PRKG1: variants seen among roughly 807,000 people sequenced by gnomAD.
The protein encoded by PRKG1 is cGMP-dependent protein kinase 1.
PRKG1 carries 35 observed loss-of-function variants against 88.1 expected under a neutral mutation model. That is an observed-to-expected ratio of 0.40 (90% CI 0.30 to 0.53). The LOEUF (loss-of-function observed/expected upper bound fraction) is 0.53. Among genes scored for constraint, PRKG1 ranks in the 20% least tolerant of loss-of-function variants. The probability of loss-of-function intolerance (pLI) is 0.59; values close to 1 mark genes in which losing one functional copy is unlikely to be tolerated. For synonymous variants in PRKG1, 303 were observed against 292.5 expected, an observed-to-expected ratio of 1.04 and a Z score of -0.37; for missense variants, 540 against 839.8, an observed-to-expected ratio of 0.64 and a Z score of 4.41.
At chr10:51,152,584 A>T (rs1846101302) in intron 1 of PRKG1, among the ~76,000 whole-genome samples, 1 of 152,050 alleles carries the variant, frequency 6.6e-6, no homozygotes, top group Admixed American at 6.6e-5. Flanking sequence ...CTATTTATAG[A>T]TGACTGGCAT....
At chr10:52,292,205 T>C (rs1842266399) in intron 17 of PRKG1, among the ~76,000 whole-genome samples, 1 of 151,136 alleles carries the variant, frequency 6.6e-6, no homozygotes, top group African/African-American at 2.4e-5. Context: ...TCTCCCATTT[T>C]GTAGGTTGCC....
chr10:51,270,275 A>C (rs1839944607), intron 2 of PRKG1, among the ~76,000 whole-genome samples: 1 of 152,184 alleles, frequency 6.6e-6, no homozygotes, highest in Non-Finnish European at 1.5e-5. Flanking sequence ...TTGATTTGTT[A>C]GCCTATTTAA....
intron 5 of PRKG1, chr10:51,908,054 AAG>A (rs1210521263): frequency 2.0e-5 from 3 of 152,664 alleles, no homozygotes. Context: ...GGTTTTGAGA[AAG>A]AGGAGAAACA....
intron 7 of PRKG1, among the ~76,000 whole-genome samples, chr10:52,128,969 T>G (rs1026383197): frequency 6.6e-6 from 1 of 152,334 alleles, no homozygotes; most frequent in East Asian, 1.9e-4. Flanking sequence ...AGTTTTTAAT[T>G]AAATAAATTG....
chr10:51,499,069 A>G (rs1051442007), intron 3 of PRKG1, among the ~76,000 whole-genome samples: 3 of 152,204 alleles, frequency 2.0e-5, no homozygotes, highest in African/African-American at 7.2e-5. Context: ...TAATATTGAA[A>G]CAACAGTTTT....
At chr10:51,960,006 A>G (rs1449128596) in intron 5 of PRKG1, among the ~76,000 whole-genome samples, 1 of 152,136 alleles carries the variant, frequency 6.6e-6, no homozygotes, top group Non-Finnish European at 1.5e-5. Context: ...GATTTTATAT[A>G]TTCTCCTAGT....
At chr10:51,528,214 T>C (rs1331128647) in intron 3 of PRKG1, among the ~76,000 whole-genome samples, 1 of 152,218 alleles carries the variant, frequency 6.6e-6, no homozygotes. Context: ...TCTCATTGTG[T>C]TTATTTTAAT....
chr10:51,056,953 C>G (rs766825777), intron 1 of PRKG1, among the ~76,000 whole-genome samples: 4 of 152,154 alleles, frequency 2.6e-5, no homozygotes, highest in Non-Finnish European at 5.9e-5. Context: ...GGAGACTTTT[C>G]CTGTTATATC....
chr10:51,269,808 C>T (rs1002608590), intron 2 of PRKG1, among the ~76,000 whole-genome samples: 3 of 152,118 alleles, frequency 2.0e-5, no homozygotes, highest in African/African-American at 4.8e-5. Context: ...CAGAAATCAC[C>T]ACTAATGAAC....
At chr10:51,187,903 ATATATTTGAC>A (rs1837534357) in intron 2 of PRKG1, among the ~76,000 whole-genome samples, 1 of 152,054 alleles carries the variant, frequency 6.6e-6, no homozygotes, top group Admixed American at 6.6e-5. Flanking sequence ...GATTTCTTGA[ATATATTTGAC>A]CTATGAGACA....
intron 2 of PRKG1, among the ~76,000 whole-genome samples, chr10:51,165,672 A>G (rs976660302): frequency 2.0e-5 from 3 of 152,314 alleles, no homozygotes; most frequent in African/African-American, 4.8e-5. Flanking sequence ...AGTGACACAC[A>G]TAGGCTCAAA....
chr10:51,625,156 A>T (rs1839303336), intron 3 of PRKG1, among the ~76,000 whole-genome samples: 1 of 152,192 alleles, frequency 6.6e-6, no homozygotes, highest in African/African-American at 2.4e-5. Flanking sequence ...GAGACATCAC[A>T]CTGAACCCCA....
chr10:51,104,444 A>T (rs1564601616), intron 1 of PRKG1, among the ~76,000 whole-genome samples: 1 of 152,218 alleles, frequency 6.6e-6, no homozygotes. Flanking sequence ...TGTATATAAG[A>T]TGTAAGTACG....
intron 7 of PRKG1, among the ~76,000 whole-genome samples, chr10:52,069,531 A>AAAAC (rs143986129): frequency 1.3e-5 from 2 of 151,996 alleles, no homozygotes; most frequent in African/African-American, 2.4e-5. Context: ...CTCCATCTCA[A>AAAAC]AAACAAAAAA....
At chr10:52,278,618 C>G (rs1279361845) in intron 12 of PRKG1, among the ~76,000 whole-genome samples, 1 of 152,120 alleles carries the variant, frequency 6.6e-6, no homozygotes, top group Admixed American at 6.6e-5. Flanking sequence ...CCATGGAATA[C>G]TATGCAGCCA....
chr10:51,619,912 G>A (rs568171731), intron 3 of PRKG1, among the ~76,000 whole-genome samples: 61 of 152,184 alleles, frequency 4.0e-4, no homozygotes, highest in Non-Finnish European at 2.5e-4. Context: ...TTTGCTTCCT[G>A]TGTATGAGTC....
upstream of PRKG1, among the ~76,000 whole-genome samples, chr10:51,074,097 C>T (rs374795933): frequency 6.7e-6 from 1 of 149,562 alleles, no homozygotes; most frequent in African/African-American, 2.5e-5. Context: ...CACCTCCCCA[C>T]CCCCGAAGTA....
At chr10:51,861,075 A>AT (rs759242962) in intron 4 of PRKG1, among the ~76,000 whole-genome samples, 15 of 151,970 alleles carry the variant, frequency 9.9e-5, no homozygotes, top group Admixed American at 2.6e-4. Flanking sequence ...ATTTTATGAG[A>AT]TAAAAAAAAA....
Position 51,098,156 on chromosome 10 carries a change from A to G in PRKG1, c.311+23255A>G, listed in dbSNP as rs141785539. Among the ~76,000 whole-genome samples the G allele has an allele frequency of 2.6e-3, 402 of 152,280 alleles. 1 individual carries two copies. The highest frequency in any genetic ancestry group is 4.6e-3 in the Non-Finnish European group (311 of 68,016). ...CTGAGAGATTGTTAGGAGAGATAGT[A>G]TGCATAGTGTTTATGAGCATGGCCC... On this transcript the variant is annotated intron_variant, in intron 1 of 17. Transcript: ENST00000373980.
Sources: gnomAD v4.1 joint callset for allele counts (sites outside exome capture counted in the v4.1 genomes callset) on GRCh38, gnomAD v4.1.1 for gene constraint, MANE v1.5 for transcripts, NCBI Gene and HGNC (gene_info 2026-07-23, HGNC 2026-07-21) for gene names.